AGBL1: variants seen among roughly 807,000 people sequenced by gnomAD.
AGBL1 encodes AGBL carboxypeptidase 1, also known as cytosolic carboxypeptidase 4.
In AGBL1, 130 loss-of-function variants were observed where a neutral mutation model predicts 118.9. That is an observed-to-expected ratio of 1.09 (90% CI 0.95 to 1.26). The LOEUF (loss-of-function observed/expected upper bound fraction) is 1.26, where lower values mean the gene tolerates loss of function less well. Among genes scored for constraint, AGBL1 ranks in the 50% most tolerant of loss-of-function variants. The pLI is 0.00. For missense variants in AGBL1, 1,584 were observed against 1,298.1 expected (o/e 1.22, Z -3.38); for synonymous variants, 555 against 478.9 (o/e 1.16, Z -2.08).
chr15:86,767,343 C>T (rs951770400), intron 22 of AGBL1, among the ~76,000 whole-genome samples: 3 of 151,870 alleles, frequency 2.0e-5, no homozygotes, highest in African/African-American at 7.2e-5. Flanking sequence ...ATAAATTATT[C>T]TAAAATAAGT....
chr15:86,115,388 A>G (rs2141558701), intron 1 of AGBL1, among the ~76,000 whole-genome samples: 1 of 152,262 alleles, frequency 6.6e-6, no homozygotes, highest in Non-Finnish European at 1.5e-5. Flanking sequence ...GCAAATCTTT[A>G]CTTTATTGGC....
chr15:86,410,856 T>TA (rs2081603724), intron 18 of AGBL1, among the ~76,000 whole-genome samples: 1 of 108,670 alleles, frequency 9.2e-6, no homozygotes, highest in African/African-American at 3.6e-5. Context: ...TACTATTTTA[T>TA]ATATAAAATA....
intron 23 of AGBL1, among the ~76,000 whole-genome samples, chr15:86,967,848 T>A (rs901185095): frequency 3.3e-5 from 5 of 152,104 alleles, no homozygotes; most frequent in Non-Finnish European, 7.4e-5. Context: ...AGTAGTTTTT[T>A]CCAATTCTGT....
chr15:86,224,614 G>A (rs1268976092), intron 5 of AGBL1, among the ~76,000 whole-genome samples: 2 of 152,066 alleles, frequency 1.3e-5, no homozygotes. Context: ...ATGAATAATA[G>A]AAAAATGAGC....
chr15:86,673,099 T>A (rs2085775369), intron 21 of AGBL1, among the ~76,000 whole-genome samples: 1 of 152,210 alleles, frequency 6.6e-6, no homozygotes, highest in South Asian at 2.1e-4. Flanking sequence ...TTCATTATTA[T>A]TTTTTATTTA....
chr15:86,541,076 T>A (rs1201837340), intron 19 of AGBL1, among the ~76,000 whole-genome samples: 4 of 152,232 alleles, frequency 2.6e-5, no homozygotes, highest in African/African-American at 9.6e-5. Context: ...TTTTAATTTG[T>A]TTGCACACTT....
chr15:86,085,661 C>A (rs982481117), intron 1 of AGBL1, among the ~76,000 whole-genome samples: 1 of 152,168 alleles, frequency 6.6e-6, no homozygotes, highest in Non-Finnish European at 1.5e-5. Flanking sequence ...CTGTCGCTTA[C>A]CTCATCCTAG....
intron 17 of AGBL1, among the ~76,000 whole-genome samples, chr15:86,306,626 T>C (rs8024433): frequency 0.011 from 1,683 of 152,286 alleles, 30 homozygotes; most frequent in African/African-American, 0.036. Context: ...GCAATGAACA[T>C]AGGAGTGCAA....
At chr15:86,205,251 A>G (rs746110582) in intron 5 of AGBL1, among the ~76,000 whole-genome samples, 18 of 152,184 alleles carry the variant, frequency 1.2e-4, no homozygotes, top group Non-Finnish European at 2.4e-4. Context: ...ATATGCACTT[A>G]AGGGTTCTCT....
At chr15:86,659,371 G>A (rs1451318942) in intron 21 of AGBL1, among the ~76,000 whole-genome samples, 1 of 152,118 alleles carries the variant, frequency 6.6e-6, no homozygotes, top group Admixed American at 6.5e-5. Context: ...GAGACTTTTG[G>A]CTTCCATAAG....
chr15:86,208,687 G>T (rs975160760), intron 5 of AGBL1, among the ~76,000 whole-genome samples: 4 of 151,952 alleles, frequency 2.6e-5, no homozygotes, highest in Non-Finnish European at 2.9e-5. Context: ...ATTTTTTATT[G>T]TGTCTATTTG....
chr15:86,744,000 T>C (rs2077718991), intron 22 of AGBL1, among the ~76,000 whole-genome samples: 1 of 152,140 alleles, frequency 6.6e-6, no homozygotes, highest in Admixed American at 6.6e-5. Flanking sequence ...AAATATTTTT[T>C]AGAACAATGC....
At chr15:86,593,311 T>G (rs2084363370) in intron 21 of AGBL1, among the ~76,000 whole-genome samples, 1 of 151,628 alleles carries the variant, frequency 6.6e-6, no homozygotes, top group Non-Finnish European at 1.5e-5. Context: ...TTTTTTTTTT[T>G]GAGAAAAGAA....
At chr15:86,708,513 C>G (rs910057872) in intron 22 of AGBL1, among the ~76,000 whole-genome samples, 1 of 152,082 alleles carries the variant, frequency 6.6e-6, no homozygotes, top group Admixed American at 6.6e-5. Flanking sequence ...TTAAAGCTTT[C>G]CAGTTCGTGG....
At chr15:86,710,747 A>C (rs1464341348) in intron 22 of AGBL1, among the ~76,000 whole-genome samples, 1 of 152,218 alleles carries the variant, frequency 6.6e-6, no homozygotes, top group Non-Finnish European at 1.5e-5. Context: ...GCCAAGGTTG[A>C]AGATCTAGAA....
rs1044195956 is a variant in AGBL1 at position 86,359,631 on chromosome 15, T to C, written c.2375-37735T>C. ...ATTGCATTGAATCAGATCACTGGGA[T>C]AGTATGAACATTTTAACAGTATTAA... On this transcript the variant is annotated intron_variant, in intron 17 of 22. Transcript: ENST00000614907. Among the ~76,000 whole-genome samples, 11 of 151,774 alleles carry C rather than the reference T, an allele frequency of 7.2e-5. 1 individual carries two copies. The highest frequency in any genetic ancestry group is 7.2e-4 in the Admixed American group (11 of 15,222).
chr15:86,149,326 G>A (rs62167048), intron 3 of AGBL1, among the ~76,000 whole-genome samples: 13,910 of 152,132 alleles, frequency 0.091, 830 homozygotes, highest in East Asian at 0.23. Flanking sequence ...AAAAGACACA[G>A]ACTGGCAAAT....
At chr15:86,090,663 C>A (rs975050098) in intron 1 of AGBL1, among the ~76,000 whole-genome samples, 1 of 152,076 alleles carries the variant, frequency 6.6e-6, no homozygotes, top group Non-Finnish European at 1.5e-5. Flanking sequence ...TTGGGCTTGA[C>A]TTTGTTTATG....
chr15:86,315,383 A>G (rs1432424992), intron 17 of AGBL1, among the ~76,000 whole-genome samples: 2 of 152,142 alleles, frequency 1.3e-5, no homozygotes, highest in Non-Finnish European at 2.9e-5. Context: ...GTAAAATGAA[A>G]TACCTGTAGT....
Sources: gnomAD v4.1 joint callset for allele counts (sites outside exome capture counted in the v4.1 genomes callset) on GRCh38, gnomAD v4.1.1 for gene constraint, MANE v1.5 for transcripts, NCBI Gene and HGNC (gene_info 2026-07-23, HGNC 2026-07-21) for gene names.